The following UBR3 variants were observed in gnomAD, a reference collection of about 807,000 sequenced individuals.
UBR3 encodes the protein E3 ubiquitin-protein ligase UBR3.
UBR3 carries 85 observed loss-of-function variants against 243.2 expected under a neutral mutation model. That is an observed-to-expected ratio of 0.35 (90% CI 0.29 to 0.42). The LOEUF (loss-of-function observed/expected upper bound fraction) is 0.42, where lower values mean the gene tolerates loss of function less well. UBR3 is among the 10% of genes least tolerant of loss of function. UBR3 has a pLI of 1.00. For synonymous variants in UBR3, 748 were observed against 799.8 expected, an observed-to-expected ratio of 0.94 and a Z score of 1.09; for missense variants, 1,686 against 2,300.8, an observed-to-expected ratio of 0.73 and a Z score of 5.47.
intron 26 of UBR3, 53 bp downstream of exon 26, chr2:169,994,509 C>G (rs567037150): frequency 1.0e-5 from 16 of 1,550,648 alleles, no homozygotes; most frequent in Non-Finnish European, 1.4e-5. Flanking sequence ...ATGGTTATTT[C>G]CCTCCAGAAT....
At chr2:169,865,245 T>C (rs2083219647) in intron 1 of UBR3, among the ~76,000 whole-genome samples, 1 of 152,166 alleles carries the variant, frequency 6.6e-6, no homozygotes, top group Admixed American at 6.5e-5. Context: ...ATTCCTGGGC[T>C]CAGGCAATCT....
intron 24 of UBR3, among the ~76,000 whole-genome samples, chr2:169,969,259 C>G (rs1177262910): frequency 6.6e-6 from 1 of 152,128 alleles, no homozygotes; most frequent in African/African-American, 2.4e-5. Context: ...ACAAAAAAAT[C>G]TTTACTCAGA....
chr2:169,845,005 A>C (rs572369314), intron 1 of UBR3, among the ~76,000 whole-genome samples: 2 of 152,254 alleles, frequency 1.3e-5, no homozygotes, highest in African/African-American at 4.8e-5. Context: ...TAATGCAATA[A>C]ATTTCCCTCT....
chr2:170,067,908 A>C (rs896502432), intron 35 of UBR3, among the ~76,000 whole-genome samples: 3 of 151,332 alleles, frequency 2.0e-5, no homozygotes, highest in African/African-American at 7.3e-5. Flanking sequence ...AGCTGGGATT[A>C]CAGGTGCCCA....
chr2:170,001,715 G>A (rs1181621840), intron 27 of UBR3, among the ~76,000 whole-genome samples: 1 of 151,536 alleles, frequency 6.6e-6, no homozygotes, highest in Non-Finnish European at 1.5e-5. Context: ...GGCCAACGTG[G>A]CCACCTGGCC....
At position 169,869,152 on chromosome 2, in the gene UBR3, C is replaced by T. The variant is rs185435245; in HGVS notation, c.546-3084C>T. ...CATAAATGGTGTTGTGTGCTTTACTCACATCACAGTCTCTCTGCCTTTTTT... is the reference window on the plus strand; with the variant it reads ...CATAAATGGTGTTGTGTGCTTTACTTACATCACAGTCTCTCTGCCTTTTTT... On this transcript the variant is annotated intron_variant, in intron 1 of 38. Coordinates refer to ENST00000272793, the MANE Select transcript of UBR3 (RefSeq NM_172070.4). Among the ~76,000 whole-genome samples the T allele has an allele frequency of 2.8e-3, 406 of 145,728 alleles. 3 individuals carry two copies. Among genetic ancestry groups the T allele is most frequent in the South Asian group, 0.014 (61 of 4,462 alleles).
chr2:170,004,740 A>G (rs1000932509), intron 27 of UBR3, among the ~76,000 whole-genome samples: 1 of 151,812 alleles, frequency 6.6e-6, no homozygotes, highest in Non-Finnish European at 1.5e-5. Flanking sequence ...GCGAAACCCC[A>G]TCTATACTAA....
chr2:169,927,114 T>A, intron 16 of UBR3, 143 bp downstream of exon 16: 1 of 1,138,818 alleles, frequency 8.8e-7, no homozygotes, highest in Non-Finnish European at 1.2e-6. Flanking sequence ...TATGTTGTAC[T>A]GTAGGTATAC....
intron 35 of UBR3, 148 bp from the exon 36 acceptor site, chr2:170,073,276 CTTGT>C: frequency 2.6e-6 from 2 of 758,554 alleles, no homozygotes; most frequent in East Asian, 5.4e-5. Context: ...CTTTTTCTCT[CTTGT>C]TTCTCTTACT....
rs371856644 is a variant in UBR3 at position 170,029,374 on chromosome 2, C to G, written c.4482C>G (p.His1494Gln). ...AGCTGTTTCATGTATTAGCCTTGCA[C>G]ATGCGGCTTTATAGCATTGACTCTG... is the stretch of plus-strand genomic sequence containing the variant. Reference protein sequence around the residue: ...LNQLFHVLALHMRLYSIDSEY... With the variant: ...LNQLFHVLALQMRLYSIDSEY... The change falls in exon 31 of 39, where the codon CAC becomes CAG. Residue 1494 changes from histidine to glutamine, a missense_variant. Transcript: ENST00000272793. 11 of 1,611,036 alleles carry G rather than the reference C, an allele frequency of 6.8e-6. No homozygotes were observed. The highest frequency in any genetic ancestry group is 5.0e-5 in the Admixed American group (3 of 59,720).
intron 5 of UBR3, among the ~76,000 whole-genome samples, chr2:169,890,283 C>T (rs1328702316): frequency 6.6e-6 from 1 of 151,922 alleles, no homozygotes; most frequent in Non-Finnish European, 1.5e-5. Context: ...TTCTTTGCTC[C>T]TCTTCCCTCT....
chr2:169,883,749 A>G (rs1470350885), intron 5 of UBR3, among the ~76,000 whole-genome samples: 2 of 152,256 alleles, frequency 1.3e-5, no homozygotes, highest in Non-Finnish European at 2.9e-5. Context: ...GCTATTACAG[A>G]GTTTTAATGA....
intron 26 of UBR3, among the ~76,000 whole-genome samples, chr2:169,999,838 T>C (rs1045954286): frequency 1.3e-5 from 2 of 152,006 alleles, no homozygotes; most frequent in African/African-American, 4.8e-5. Flanking sequence ...TAAAACAAAT[T>C]TGGAGCCAGG....
intron 5 of UBR3, among the ~76,000 whole-genome samples, chr2:169,885,337 T>C (rs1396875722): frequency 6.6e-6 from 1 of 152,192 alleles, no homozygotes; most frequent in Non-Finnish European, 1.5e-5. Flanking sequence ...ATCCCAGCAC[T>C]TTGGGAGGCC....
Position 170,040,876 on chromosome 2 carries a change from T to C in UBR3, c.4557-6T>C. ...ACTATGTAAAGTGACTACATTTTTC[T>C]TTTAGGCTGGGATATGAAGAACAAC... On this transcript the variant is annotated splice_region_variant and splice_polypyrimidine_tract_variant and intron_variant, in intron 31 of 38. Coordinates refer to ENST00000272793, the MANE Select transcript of UBR3 (RefSeq NM_172070.4). The C allele has an allele frequency of 6.2e-7, 1 of 1,610,868 alleles. No individual in the cohort carries two copies. Among genetic ancestry groups the C allele is most frequent in the South Asian group, 1.1e-5 (1 of 90,966 alleles).
intron 31 of UBR3, among the ~76,000 whole-genome samples, chr2:170,037,334 GTTCTCACTTAT>G (rs937284163): frequency 1.3e-5 from 2 of 151,878 alleles, no homozygotes; most frequent in Non-Finnish European, 2.9e-5. Flanking sequence ...TTTCTTTGCT[GTTCTCACTTAT>G]TCTCCAGAAG....
chr2:170,051,171 G>A (rs2091208697), intron 32 of UBR3, among the ~76,000 whole-genome samples: 1 of 151,776 alleles, frequency 6.6e-6, no homozygotes, highest in South Asian at 2.1e-4. Flanking sequence ...ATGATTGGCT[G>A]AATCCATGGA....
chr2:169,882,315 TTATA>T (rs1367610697), intron 5 of UBR3, among the ~76,000 whole-genome samples: 4 of 140,528 alleles, frequency 2.8e-5, no homozygotes, highest in African/African-American at 1.0e-4. Context: ...TATTATATAT[TTATA>T]TATTATATAT....
intron 1 of UBR3, among the ~76,000 whole-genome samples, chr2:169,862,014 C>T (rs1401498070): frequency 6.6e-6 from 1 of 152,110 alleles, no homozygotes; most frequent in African/African-American, 2.4e-5. Flanking sequence ...ATTGTAAATT[C>T]CACATGTATT....
Sources: allele counts gnomAD v4.1 joint callset (sites outside exome capture counted in the v4.1 genomes callset), GRCh38; gene constraint gnomAD v4.1.1; transcripts MANE v1.5; gene names NCBI Gene and HGNC (gene_info 2026-07-23, HGNC 2026-07-21).